Variants in CNTNAP5 observed in about 807,000 individuals in gnomAD.
CNTNAP5 encodes the protein contactin associated protein family member 5.
Under a neutral mutation model 150.2 loss-of-function variants are expected in CNTNAP5, and 72 were observed. That is an observed-to-expected ratio of 0.48 (90% CI 0.40 to 0.58). The LOEUF (loss-of-function observed/expected upper bound fraction) is 0.58. Among genes scored for constraint, CNTNAP5 ranks in the 20% least tolerant of loss-of-function variants. The probability of loss-of-function intolerance (pLI) is 0.00; values close to 1 mark genes in which losing one functional copy is unlikely to be tolerated. For missense variants in CNTNAP5, 1,636 were observed against 1,626.2 expected (o/e 1.01, Z -0.10); for synonymous variants, 672 against 619.8 (o/e 1.08, Z -1.25).
intron 16 of CNTNAP5, among the ~76,000 whole-genome samples, chr2:124,771,718 TCACCACCATCAC>T (rs1192508554): frequency 7.0e-4 from 105 of 150,086 alleles, no homozygotes; most frequent in African/African-American, 2.4e-3. Context: ...ATCACCTTCA[TCACCACCATCAC>T]CACCACCGTT....
At chr2:124,473,200 C>A (rs918976855) in intron 6 of CNTNAP5, among the ~76,000 whole-genome samples, 1 of 151,552 alleles carries the variant, frequency 6.6e-6, no homozygotes, top group African/African-American at 2.4e-5. Context: ...AAAATAATAA[C>A]CTTAGTTGGA....
chr2:124,901,702 AT>A (rs1237400211), intron 21 of CNTNAP5, among the ~76,000 whole-genome samples: 3 of 152,160 alleles, frequency 2.0e-5, no homozygotes, highest in Admixed American at 6.6e-5. Context: ...GTTTGTGGCA[AT>A]TTGTCACACC....
At chr2:124,499,012 C>T (rs2421084) in intron 7 of CNTNAP5, among the ~76,000 whole-genome samples, 15,494 of 152,164 alleles carry the variant, frequency 0.1, 1,253 homozygotes, top group African/African-American at 0.2. Context: ...AGAAAAGCAT[C>T]AGATCTGGGA....
At chr2:124,222,073 A>G (rs1367899369) in intron 2 of CNTNAP5, among the ~76,000 whole-genome samples, 2 of 152,134 alleles carry the variant, frequency 1.3e-5, no homozygotes, top group Non-Finnish European at 2.9e-5. Context: ...TACTTTATAA[A>G]AAGCACTTGC....
intron 3 of CNTNAP5, among the ~76,000 whole-genome samples, chr2:124,343,358 T>C (rs1247992747): frequency 6.6e-6 from 1 of 152,210 alleles, no homozygotes; most frequent in African/African-American, 2.4e-5. Flanking sequence ...TATTTGACAA[T>C]GTTTTCATAT....
chr2:124,211,365 C>A (rs546337255), intron 1 of CNTNAP5, among the ~76,000 whole-genome samples: 1 of 152,290 alleles, frequency 6.6e-6, no homozygotes, highest in East Asian at 1.9e-4. Flanking sequence ...GTTCTCACAA[C>A]AAGCCTGTGT....
At chr2:124,470,612 T>C (rs1465963642) in intron 6 of CNTNAP5, among the ~76,000 whole-genome samples, 2 of 152,200 alleles carry the variant, frequency 1.3e-5, no homozygotes, top group East Asian at 3.9e-4. Flanking sequence ...TTGTAATTGC[T>C]TTTGGCATCT....
intron 19 of CNTNAP5, among the ~76,000 whole-genome samples, chr2:124,856,553 G>A (rs917909687): frequency 3.9e-5 from 6 of 152,042 alleles, no homozygotes; most frequent in Non-Finnish European, 7.4e-5. Context: ...AGGTAATATC[G>A]CAATGTTGTT....
chr2:124,675,472 G>A (rs535677647), intron 13 of CNTNAP5, among the ~76,000 whole-genome samples: 5 of 152,050 alleles, frequency 3.3e-5, no homozygotes, highest in Non-Finnish European at 5.9e-5. Flanking sequence ...TTATAGATCT[G>A]ACAGGATTCC....
chr2:124,752,269 G>A (rs192727002), intron 14 of CNTNAP5, among the ~76,000 whole-genome samples: 143 of 152,120 alleles, frequency 9.4e-4, no homozygotes, highest in Middle Eastern at 3.4e-3. Flanking sequence ...TGCCCAGGCT[G>A]TTCTTGAACT....
intron 1 of CNTNAP5, among the ~76,000 whole-genome samples, chr2:124,105,565 A>C (rs1683155418): frequency 6.6e-6 from 1 of 152,214 alleles, no homozygotes; most frequent in Admixed American, 6.5e-5. Context: ...TGGACTAATT[A>C]TTTAGCATTA....
At chr2:124,662,902 A>G (rs1002502763) in intron 13 of CNTNAP5, among the ~76,000 whole-genome samples, 9 of 152,206 alleles carry the variant, frequency 5.9e-5, no homozygotes, top group Non-Finnish European at 2.9e-5. Flanking sequence ...GTTCCTAAAT[A>G]ATCTTTATGG....
At chr2:124,657,552 C>T (rs1558723218) in intron 13 of CNTNAP5, among the ~76,000 whole-genome samples, 1 of 152,168 alleles carries the variant, frequency 6.6e-6, no homozygotes, top group African/African-American at 2.4e-5. Flanking sequence ...GCCCCATTTC[C>T]CCACAGCGGA....
At chr2:124,574,879 C>T (rs1202370266) in intron 11 of CNTNAP5, among the ~76,000 whole-genome samples, 1 of 152,152 alleles carries the variant, frequency 6.6e-6, no homozygotes, top group African/African-American at 2.4e-5. Flanking sequence ...AACACAATAA[C>T]ACTGTGACTT....
chr2:124,324,459 G>C (rs1015037415), intron 3 of CNTNAP5, among the ~76,000 whole-genome samples: 1 of 152,218 alleles, frequency 6.6e-6, no homozygotes, highest in South Asian at 2.1e-4. Flanking sequence ...ATAACGAAAG[G>C]GAGTGAGATT....
At chr2:124,191,116 T>C (rs1345274128) in intron 1 of CNTNAP5, among the ~76,000 whole-genome samples, 1 of 152,242 alleles carries the variant, frequency 6.6e-6, no homozygotes, top group African/African-American at 2.4e-5. Context: ...CTTTAAGGAA[T>C]TTGCATGTTC....
At chr2:124,051,353 C>T (rs1030924978) in intron 1 of CNTNAP5, among the ~76,000 whole-genome samples, 1 of 152,168 alleles carries the variant, frequency 6.6e-6, no homozygotes, top group Non-Finnish European at 1.5e-5. Context: ...AAGGTCTGCA[C>T]TTGTTTTTCC....
chr2:124,889,861 A>T (rs1678157788), intron 21 of CNTNAP5, among the ~76,000 whole-genome samples: 1 of 152,056 alleles, frequency 6.6e-6, no homozygotes, highest in Admixed American at 6.6e-5. Flanking sequence ...CGCCACTGTT[A>T]TATGTGCTAG....
chr2:124,254,183 A>T (rs1051102048), intron 3 of CNTNAP5, among the ~76,000 whole-genome samples: 2 of 152,200 alleles, frequency 1.3e-5, no homozygotes, highest in Non-Finnish European at 2.9e-5. Flanking sequence ...GAAATATTTA[A>T]ATCCTTATCT....
Sources: gnomAD v4.1 joint callset for allele counts (sites outside exome capture counted in the v4.1 genomes callset) on GRCh38, gnomAD v4.1.1 for gene constraint, MANE v1.5 for transcripts, NCBI Gene and HGNC (gene_info 2026-07-23, HGNC 2026-07-21) for gene names.